Variants in MRPL19 observed in about 807,000 individuals in gnomAD.
MRPL19 encodes the protein large ribosomal subunit protein bL19m.
In MRPL19, 31 loss-of-function variants were observed where a neutral mutation model predicts 34.0. The ratio of observed to expected loss-of-function variants is 0.91; its 90% CI spans 0.68 to 1.23. The LOEUF is 1.23. Ranked by LOEUF, MRPL19 falls within the 50% of genes most tolerant of loss-of-function variation. The pLI, the probability that MRPL19 is intolerant of heterozygous loss-of-function variation, is 0.00. For synonymous variants in MRPL19, 152 were observed against 127.7 expected (o/e 1.19, Z -1.28); for missense variants, 384 against 367.6 (o/e 1.04, Z -0.37).
intron 2 of MRPL19, among the ~76,000 whole-genome samples, chr2:75,649,152 T>C (rs1402463977): frequency 6.6e-6 from 1 of 152,234 alleles, no homozygotes; most frequent in Admixed American, 6.5e-5. Flanking sequence ...GCCTTGACTG[T>C]TCAAAAAAGT....
At chr2:75,654,714 A>C in intron 4 of MRPL19, 22 bp from the exon 5 acceptor site, 1 of 1,609,720 alleles carries the variant, frequency 6.2e-7, no homozygotes, top group Non-Finnish European at 8.5e-7. Context: ...GATTGTAAGA[A>C]TATGTTTTCT....
Position 75,655,347 on chromosome 2 carries a change from G to A in MRPL19, c.*62G>A. On this transcript the variant is annotated 3_prime_UTR_variant, in exon 6 of 6. Transcript: ENST00000393909. ...TTGGCTCTAAGAGGATATATTTTGAGACCAATTTAATTTCATTTATAAGAA... is the reference window on the plus strand; with the variant it reads ...TTGGCTCTAAGAGGATATATTTTGAAACCAATTTAATTTCATTTATAAGAA... 1.7e-6 allele frequency: 2 copies of A among 1,203,742 alleles called. No homozygotes were observed. The highest frequency in any genetic ancestry group is 4.4e-5 in the Admixed American group (2 of 45,768). 74.6% of individuals were successfully genotyped at this position (1,203,742 alleles called of 1,614,324 possible).
At position 75,659,908 on chromosome 2, in the gene MRPL19, CTT is replaced by C. The variant is rs779506018; in HGVS notation, c.*4626_*4627del. 1.3e-5 allele frequency among the ~76,000 whole-genome samples: 2 copies of C among 152,014 alleles called. No homozygotes were observed. Among genetic ancestry groups the C allele is most frequent in the Non-Finnish European group, 2.9e-5 (2 of 67,964 alleles). ...GTTTCTTGGAGTCATAGATTTATGT[CTT>C]TTATCAAATTTTGGACATATTTGGC... is the stretch of plus-strand genomic sequence containing the variant. On this transcript the variant is annotated 3_prime_UTR_variant, in exon 6 of 6. Transcript: ENST00000393909.
intron 2 of MRPL19, chr2:75,647,545 T>C: frequency 4.4e-6 from 1 of 229,858 alleles, no homozygotes; most frequent in Non-Finnish European, 8.4e-6. Context: ...CAAGAGCTCT[T>C]CTTTTCTCTC....
At chr2:75,654,968 A>G (rs1678412051) in intron 5 of MRPL19, 51 bp downstream of exon 5, 1 of 1,549,666 alleles carries the variant, frequency 6.5e-7, no homozygotes, top group South Asian at 1.2e-5. Context: ...ATAAGAAAGA[A>G]AGAATCATCT....
intron 4 of MRPL19, among the ~76,000 whole-genome samples, chr2:75,653,831 T>G (rs973321375): frequency 6.6e-6 from 1 of 152,232 alleles, no homozygotes; most frequent in African/African-American, 2.4e-5. Flanking sequence ...GTCTTTTCTA[T>G]TTCCATAAAT....
Position 75,660,778 on chromosome 2 carries a change from CA to C in MRPL19, c.*5497del, listed in dbSNP as rs1438870722. On this transcript the variant is annotated 3_prime_UTR_variant, in exon 6 of 6. Coordinates refer to ENST00000393909, the MANE Select transcript of MRPL19 (RefSeq NM_014763.4). The stretch of plus-strand genomic sequence containing the variant: ...TTGTACTGAGCCTAACAATCAGGCC[CA>C]AAAGCGTAGGGTCTTTGCAGATCTT... 1 of 152,224 alleles carries C rather than the reference CA, an allele frequency of 6.6e-6. No homozygotes were observed. Among genetic ancestry groups the C allele is most frequent in the Non-Finnish European group, 1.5e-5 (1 of 68,062 alleles). The allele number at this position is 152,224 out of a possible 1,614,324, so 9.4% of individuals were successfully genotyped here.
At chr2:75,653,101 T>C (rs957660827) in intron 4 of MRPL19, among the ~76,000 whole-genome samples, 5 of 152,222 alleles carry the variant, frequency 3.3e-5, no homozygotes, top group Non-Finnish European at 7.3e-5. Context: ...TTATATGACT[T>C]GGGAGGAATT....
At chr2:75,654,649 T>C (rs760180243) in intron 4 of MRPL19, 87 bp from the exon 5 acceptor site, 52 of 1,258,898 alleles carry the variant, frequency 4.1e-5, no homozygotes, top group Non-Finnish European at 5.3e-5. Flanking sequence ...TTGTGCTAAT[T>C]CCTTTATGAA....
chr2:75,647,898 A>AT (rs973705802), intron 2 of MRPL19, among the ~76,000 whole-genome samples: 6 of 151,718 alleles, frequency 4.0e-5, no homozygotes, highest in African/African-American at 1.2e-4. Context: ...TATTTTTTAA[A>AT]TTTTTTTTAG....
chr2:75,648,524 CT>C (rs1430690211), intron 2 of MRPL19, among the ~76,000 whole-genome samples: 4 of 152,020 alleles, frequency 2.6e-5, no homozygotes. Flanking sequence ...TAAAAAAAAC[CT>C]TTAGAATCAT....
chr2:75,655,926 T>A lies in MRPL19; in HGVS notation c.*641T>A, dbSNP rs1678440946. 6.6e-6 allele frequency: 1 copy of A among 152,090 alleles called. No homozygotes were observed. Among genetic ancestry groups the A allele is most frequent in the African/African-American group, 2.4e-5 (1 of 41,414 alleles). The allele number at this position is 152,090 out of a possible 1,614,324, so 9.4% of individuals were successfully genotyped here. A position where few individuals can be genotyped will look rare whatever the true frequency, so the allele number is the denominator to read the frequency against. On this transcript the variant is annotated 3_prime_UTR_variant, in exon 6 of 6. Coordinates refer to ENST00000393909, the MANE Select transcript of MRPL19 (RefSeq NM_014763.4). ...AAGTATAAAGGGGCAGTATTACTAT[T>A]ATTGCATGAAGGCTTCAAGGGAAAC...
Position 75,646,897 on chromosome 2 carries a change from C to G in MRPL19, c.90C>G (p.Ala30=). 5 of 1,595,972 alleles carry G rather than the reference C, an allele frequency of 3.1e-6. No individual in the cohort carries two copies. Among genetic ancestry groups the G allele is most frequent in the East Asian group, 2.3e-5 (1 of 44,316 alleles). ...QAARTLLPPP[A]SIACRVHAGP... ...CCAGGACTCTGCTCCCCCCGCCGGC[C>G]TCTATCGCCTGCAGTAAGTGGAGCC... The change falls in exon 1 of 6, where the codon GCC becomes GCG. Residue 30 remains alanine, a synonymous_variant. Coordinates refer to ENST00000393909, the MANE Select transcript of MRPL19 (RefSeq NM_014763.4).
At chr2:75,651,574 C>A in intron 2 of MRPL19, 1 of 411,716 alleles carries the variant, frequency 2.4e-6, no homozygotes. Context: ...CCAGCAAACA[C>A]AGCCAACAAG....
Position 75,652,176 on chromosome 2 carries a change from A to G in MRPL19, c.256A>G (p.Arg86Gly), listed in dbSNP as rs770709738. The G allele has an allele frequency of 5.0e-6, 8 of 1,602,124 alleles. No homozygotes were observed. The South Asian group carries it at 8.9e-5, about 18-fold the overall frequency. The part of the protein sequence containing the change: ...LSPEFIPRRG[R>G]TDPLKFQIER... ...TCCTGAATTCATTCCTCGAAGGGGA[A>G]GAACAGATCCTCTGAAATTTCAAAT... is the stretch of plus-strand genomic sequence containing the variant. Residue 86 changes from arginine to glycine, a missense_variant, in exon 3 of 6, where the codon AGA (arginine) becomes GGA (glycine). Coordinates refer to ENST00000393909, the MANE Select transcript of MRPL19 (RefSeq NM_014763.4).
At position 75,654,808 on chromosome 2, in the gene MRPL19, T is replaced by C. The variant is rs1452869167; in HGVS notation, c.548T>C (p.Leu183Pro). 1.2e-6 allele frequency: 2 copies of C among 1,613,824 alleles called. No individual in the cohort carries two copies. Among genetic ancestry groups the C allele is most frequent in the African/African-American group, 2.7e-5 (2 of 74,896 alleles). Residue 183 changes from leucine (L) to proline (P), a missense_variant, in exon 5 of 6, where the codon CTG (leucine) becomes CCG (proline). Coordinates refer to ENST00000393909, the MANE Select transcript of MRPL19 (RefSeq NM_014763.4). ...EIQVVKLEKR[L>P]DDSLLYLRDA... ...CAGGTGGTCAAATTAGAGAAACGGC[T>C]GGATGATAGCTTGCTATACTTACGA...
Position 75,654,832 on chromosome 2 carries a change from G to A in MRPL19, c.572G>A (p.Arg191Gln), listed in dbSNP as rs201437598. The change falls in exon 5 of 6, where the codon CGA (arginine) becomes CAA (glutamine). Residue 191 changes from arginine to glutamine, a missense_variant. Coordinates refer to ENST00000393909, the MANE Select transcript of MRPL19 (RefSeq NM_014763.4). ...KRLDDSLLYL[R>Q]DALPEYSTFD... ...CTGGATGATAGCTTGCTATACTTACGAGATGCCCTTCCTGAATATAGCACT... is the reference window on the plus strand; with the variant it reads ...CTGGATGATAGCTTGCTATACTTACAAGATGCCCTTCCTGAATATAGCACT... 10 of 1,613,824 alleles carry A rather than the reference G, an allele frequency of 6.2e-6. No homozygotes were observed. In the South Asian group the frequency reaches 8.8e-5, roughly 14 times the overall value.
chr2:75,648,655 C>T (rs921496304), intron 2 of MRPL19, among the ~76,000 whole-genome samples: 19 of 151,164 alleles, frequency 1.3e-4, no homozygotes, highest in African/African-American at 3.7e-4. Context: ...GTCAGGAGTT[C>T]GAGACCAGCC....
Position 75,660,554 on chromosome 2 carries a change from C to T in MRPL19, c.*5269C>T, listed in dbSNP as rs990191382. ...AGCAGTCTATTGCTACATGTGCAGT[C>T]ATTTCCAAACTATTTTTGCAAAGAC... On this transcript the variant is annotated 3_prime_UTR_variant, in exon 6 of 6. Coordinates refer to ENST00000393909, the MANE Select transcript of MRPL19 (RefSeq NM_014763.4). 1 of 152,180 alleles carries T rather than the reference C, an allele frequency of 6.6e-6. No individual in the cohort carries two copies. The highest frequency in any genetic ancestry group is 1.5e-5 in the Non-Finnish European group (1 of 68,036). The allele number at this position is 152,180 out of a possible 1,614,324, so 9.4% of individuals were successfully genotyped here. A position where few individuals can be genotyped will look rare whatever the true frequency, so the allele number is the denominator to read the frequency against.
Sources: allele counts gnomAD v4.1 joint callset (sites outside exome capture counted in the v4.1 genomes callset), GRCh38; gene constraint gnomAD v4.1.1; transcripts MANE v1.5; gene names NCBI Gene and HGNC (gene_info 2026-07-23, HGNC 2026-07-21).